MSI2: variants seen among roughly 807,000 people sequenced by gnomAD.
The protein encoded by MSI2 is RNA-binding protein Musashi homolog 2.
In MSI2, 17 loss-of-function variants were observed where a neutral mutation model predicts 45.6. The observed-to-expected ratio is 0.37, with a 90% CI of 0.26 to 0.56. MSI2 has a LOEUF of 0.56. Ranked by LOEUF, MSI2 falls within the 20% of genes least tolerant of loss-of-function variation. MSI2 has a pLI of 0.77. For missense variants in MSI2, 293 were observed against 444.2 expected (o/e 0.66, Z 3.06); for synonymous variants, 156 against 158.2 (o/e 0.99, Z 0.11).
chr17:57,683,519 G>A lies in MSI2; in HGVS notation c.*4002G>A, dbSNP rs190094239. 318 of 230,118 alleles carry A rather than the reference G, an allele frequency of 1.4e-3. 4 individuals are homozygous for A. In the Admixed American group the frequency reaches 0.016, roughly 12 times the overall value. The allele number at this position is 230,118 out of a possible 1,614,324, so 14.3% of individuals were successfully genotyped here. ...GCATATTCAAGAATAAAGCAATATCGTTTACTACATTTTTTATTGAAGGTC... is the reference window on the plus strand; with the variant it reads ...GCATATTCAAGAATAAAGCAATATCATTTACTACATTTTTTATTGAAGGTC... On this transcript the variant is annotated 3_prime_UTR_variant, in exon 14 of 14. Transcript: ENST00000284073. The surrounding 1 kb of genome is among the most constrained non-coding windows in gnomAD (Gnocchi z 5.2).
At chr17:57,507,696 G>T (rs747354845) in intron 6 of MSI2, among the ~76,000 whole-genome samples, 42 of 151,754 alleles carry the variant, frequency 2.8e-4, no homozygotes, top group Non-Finnish European at 5.1e-4. Flanking sequence ...AATATTTCAA[G>T]TCTTAGTGAA....
At chr17:57,417,905 A>G (rs1280864706) in intron 6 of MSI2, among the ~76,000 whole-genome samples, 7 of 152,240 alleles carry the variant, frequency 4.6e-5, no homozygotes, top group Non-Finnish European at 8.8e-5. Flanking sequence ...GAGGCAATAA[A>G]AAGAAATACC....
chr17:57,525,797 C>T (rs2086684469), intron 6 of MSI2, among the ~76,000 whole-genome samples: 1 of 152,208 alleles, frequency 6.6e-6, no homozygotes, highest in Non-Finnish European at 1.5e-5. Context: ...GCCACTAGGC[C>T]TGCAGGTGCC....
At chr17:57,575,937 T>C in intron 7 of MSI2, among the ~76,000 whole-genome samples, 2 of 81,130 alleles carry the variant, frequency 2.5e-5, no homozygotes, top group African/African-American at 4.7e-5. Flanking sequence ...AGAGCGAGAC[T>C]CCGTCTCAAA....
At chr17:57,467,465 G>C (rs907748190) in intron 6 of MSI2, among the ~76,000 whole-genome samples, 1 of 152,228 alleles carries the variant, frequency 6.6e-6, no homozygotes, top group Non-Finnish European at 1.5e-5. Context: ...ATAGATGATA[G>C]ATGGATGCAT....
intron 6 of MSI2, among the ~76,000 whole-genome samples, chr17:57,492,693 G>A (rs1010154056): frequency 6.6e-6 from 1 of 151,960 alleles, no homozygotes; most frequent in Non-Finnish European, 1.5e-5. Context: ...TCTGCCTCCC[G>A]GGTTCAAGCA....
intron 8 of MSI2, among the ~76,000 whole-genome samples, chr17:57,597,168 G>A (rs995372001): frequency 5.3e-5 from 8 of 151,908 alleles, no homozygotes; most frequent in African/African-American, 1.9e-4. Flanking sequence ...CATCTTTGCA[G>A]GCCATAAAGC....
chr17:57,379,500 T>G (rs1380777479), intron 5 of MSI2, among the ~76,000 whole-genome samples: 1 of 151,744 alleles, frequency 6.6e-6, no homozygotes, highest in Admixed American at 6.6e-5. Flanking sequence ...TTTTTTTGCT[T>G]TGTCATCTAT....
intron 5 of MSI2, among the ~76,000 whole-genome samples, chr17:57,318,189 GA>G (rs1447414813): frequency 8.1e-6 from 1 of 124,172 alleles, no homozygotes; most frequent in East Asian, 2.0e-4. Context: ...GAGAAGGTGA[GA>G]AGGTGGGAAG....
At chr17:57,313,576 C>T (rs1912588529) in intron 5 of MSI2, among the ~76,000 whole-genome samples, 1 of 152,164 alleles carries the variant, frequency 6.6e-6, no homozygotes, top group Admixed American at 6.5e-5. Flanking sequence ...AAACAAAACC[C>T]AGCTCAAAAC....
chr17:57,298,660 C>CAA (rs1023992440), intron 5 of MSI2, among the ~76,000 whole-genome samples: 1 of 148,856 alleles, frequency 6.7e-6, no homozygotes, highest in African/African-American at 2.5e-5. Flanking sequence ...GACTCTGTCT[C>CAA]AAAAAAAAAG....
intron 6 of MSI2, among the ~76,000 whole-genome samples, chr17:57,489,270 G>A (rs1361825242): frequency 6.6e-6 from 1 of 152,182 alleles, no homozygotes; most frequent in Non-Finnish European, 1.5e-5. Flanking sequence ...GTTGGCATTG[G>A]GGTCTGATGG....
chr17:57,262,556 T>C (rs1907417094), intron 5 of MSI2: 1 of 190,822 alleles, frequency 5.2e-6, no homozygotes, highest in Admixed American at 5.9e-5. Context: ...TCTTTGAGGC[T>C]TTACAACTTG....
At position 57,644,327 on chromosome 17, in the gene MSI2, C is replaced by A. The variant is rs1413302354; in HGVS notation, c.728-7772C>A. 2.0e-5 allele frequency among the ~76,000 whole-genome samples: 3 copies of A among 151,674 alleles called. 1 individual carries two copies. Among genetic ancestry groups the A allele is most frequent in the Admixed American group, 2.0e-4 (3 of 15,232 alleles). On this transcript the variant is annotated intron_variant, in intron 10 of 13. Coordinates refer to ENST00000284073, the MANE Select transcript of MSI2 (RefSeq NM_138962.4). ...TATCAATTGTTCCTCCTCTTTGCAC[C>A]CCCTGTTCTGATGTGAGTCCCTTGG...
At chr17:57,316,460 G>A (rs1912860158) in intron 5 of MSI2, among the ~76,000 whole-genome samples, 1 of 152,020 alleles carries the variant, frequency 6.6e-6, no homozygotes, top group South Asian at 2.1e-4. Context: ...AAGTAGCTGG[G>A]ACCACAGGTG....
chr17:57,694,070 C>T, the MSI2 span, among the ~76,000 whole-genome samples: 1 of 152,188 alleles, frequency 6.6e-6, no homozygotes, highest in African/African-American at 2.4e-5. Flanking sequence ...TACATATTGT[C>T]TATGGCTGCT....
intron 5 of MSI2, among the ~76,000 whole-genome samples, chr17:57,326,574 A>G (rs898545371): frequency 6.6e-6 from 1 of 152,224 alleles, no homozygotes; most frequent in African/African-American, 2.4e-5. Flanking sequence ...ATTAACTGGC[A>G]CTGTGAGAGT....
At chr17:57,455,909 G>T (rs1162804949) in intron 6 of MSI2, among the ~76,000 whole-genome samples, 1 of 152,184 alleles carries the variant, frequency 6.6e-6, no homozygotes, top group East Asian at 1.9e-4. Flanking sequence ...TGGGTGTTAG[G>T]CACAGACTCT....
intron 10 of MSI2, chr17:57,633,255 T>A: frequency 2.3e-6 from 2 of 880,544 alleles, no homozygotes; most frequent in East Asian, 7.6e-5. Flanking sequence ...ATGCACTGAA[T>A]AACCAGCACC....
Sources: allele counts gnomAD v4.1 joint callset (sites outside exome capture counted in the v4.1 genomes callset), GRCh38; gene constraint gnomAD v4.1.1; non-coding constraint Gnocchi (gnomAD v3.1); transcripts MANE v1.5; gene names NCBI Gene and HGNC (gene_info 2026-07-23, HGNC 2026-07-21).